ZNF385D: variants seen among roughly 807,000 people sequenced by gnomAD.
ZNF385D encodes the protein zinc finger protein 659.
A neutral mutation model predicts 35.8 loss-of-function variants in ZNF385D; 15 were observed. The ratio of observed to expected loss-of-function variants is 0.42; its 90% CI spans 0.28 to 0.64. The LOEUF is 0.64. Among genes scored for constraint, ZNF385D ranks in the 30% least tolerant of loss-of-function variants. The pLI is 0.23. For missense variants in ZNF385D, 474 were observed against 494.6 expected, an observed-to-expected ratio of 0.96 and a Z score of 0.39; for synonymous variants, 212 against 186.8, an observed-to-expected ratio of 1.13 and a Z score of -1.10.
chr3:22,289,639 G>C (rs1702197095), intron 2 of ZNF385D, among the ~76,000 whole-genome samples: 1 of 152,126 alleles, frequency 6.6e-6, no homozygotes, highest in Non-Finnish European at 1.5e-5. Flanking sequence ...GGGAATGCCG[G>C]TGTGCTTATT....
chr3:21,697,362 T>A (rs563439314), intron 1 of ZNF385D, among the ~76,000 whole-genome samples: 1 of 152,174 alleles, frequency 6.6e-6, no homozygotes, highest in Non-Finnish European at 1.5e-5. Context: ...TAGTGGTAAG[T>A]TGAATTCTGT....
chr3:21,658,591 ATATC>A (rs1006312393), intron 2 of ZNF385D, among the ~76,000 whole-genome samples: 16 of 134,814 alleles, frequency 1.2e-4, no homozygotes, highest in Admixed American at 1.2e-3. Context: ...ATCTACCTAT[ATATC>A]TATCTATTCC....
At chr3:22,345,870 G>A (rs1272652248) in intron 2 of ZNF385D, among the ~76,000 whole-genome samples, 1 of 152,184 alleles carries the variant, frequency 6.6e-6, no homozygotes, top group African/African-American at 2.4e-5. Flanking sequence ...TATAAAGTCT[G>A]CACTCTTGCC....
chr3:21,937,561 TCTCA>T (rs1174024767), intron 3 of ZNF385D, among the ~76,000 whole-genome samples: 2 of 152,162 alleles, frequency 1.3e-5, no homozygotes, highest in African/African-American at 4.8e-5. Flanking sequence ...ATACTGAACT[TCTCA>T]CTATTGTTTG....
At chr3:22,032,908 A>G (rs1204488117) in intron 3 of ZNF385D, among the ~76,000 whole-genome samples, 2 of 152,134 alleles carry the variant, frequency 1.3e-5, no homozygotes, top group Non-Finnish European at 2.9e-5. Context: ...AGGCACAGAG[A>G]GGTAAAGTAA....
At chr3:22,013,728 G>A (rs1046071352) in intron 3 of ZNF385D, among the ~76,000 whole-genome samples, 1 of 152,216 alleles carries the variant, frequency 6.6e-6, no homozygotes, top group East Asian at 1.9e-4. Flanking sequence ...GACTGACAAA[G>A]CAGGTGAGAG....
In ZNF385D at chr3:21,794,563, C is replaced by A. The variant is rs77092746; in HGVS notation, c.326-129535G>T. Reference sequence around the variant, plus strand: ...AAGGAGATTTGATATGCGGTGGGGGCTTGTTTCCTGGTTCATAGACAATGC... The same window carrying A: ...AAGGAGATTTGATATGCGGTGGGGGATTGTTTCCTGGTTCATAGACAATGC... On this transcript the variant is annotated intron_variant, in intron 3 of 5. Transcript: ENST00000494108. Among the ~76,000 whole-genome samples the A allele has an allele frequency of 9.6e-3, 1,467 of 152,136 alleles. 19 individuals carry two copies. The highest frequency in any genetic ancestry group is 0.033 in the African/African-American group (1,368 of 41,514).
chr3:21,705,944 T>A (rs2067883132), intron 1 of ZNF385D, among the ~76,000 whole-genome samples: 1 of 152,172 alleles, frequency 6.6e-6, no homozygotes, highest in Non-Finnish European at 1.5e-5. Flanking sequence ...TGTGCCCAGA[T>A]GAGCTCAGTC....
At chr3:21,538,523 T>C (rs1290000041) in intron 3 of ZNF385D, among the ~76,000 whole-genome samples, 1 of 152,136 alleles carries the variant, frequency 6.6e-6, no homozygotes, top group Non-Finnish European at 1.5e-5. Flanking sequence ...TTCAGTGGAA[T>C]CTCTGCTTCC....
At chr3:21,428,983 G>A (rs980081820) in intron 5 of ZNF385D, among the ~76,000 whole-genome samples, 2 of 115,572 alleles carry the variant, frequency 1.7e-5, no homozygotes, top group African/African-American at 6.3e-5. Context: ...GTATTTGGGG[G>A]AAAGATACAT....
chr3:22,206,892 G>A (rs933319557), intron 2 of ZNF385D, among the ~76,000 whole-genome samples: 1 of 151,732 alleles, frequency 6.6e-6, no homozygotes, highest in Non-Finnish European at 1.5e-5. Context: ...GCCAAAGTTA[G>A]TAGAACAAAG....
chr3:21,877,633 C>T (rs1698051178), intron 3 of ZNF385D, among the ~76,000 whole-genome samples: 1 of 152,032 alleles, frequency 6.6e-6, no homozygotes, highest in South Asian at 2.1e-4. Context: ...GGATTATAAA[C>T]TATTTTTAGT....
chr3:21,768,352 T>C (rs2878425), intron 3 of ZNF385D, among the ~76,000 whole-genome samples: 84,876 of 151,718 alleles, frequency 0.56, 24,335 homozygotes, highest in East Asian at 0.78. Context: ...AATAAATTTG[T>C]TACTGAGGAT....
intron 1 of ZNF385D, among the ~76,000 whole-genome samples, chr3:21,716,864 C>A (rs1285053218): frequency 6.6e-6 from 1 of 152,076 alleles, no homozygotes; most frequent in Non-Finnish European, 1.5e-5. Flanking sequence ...TGGCTCATAC[C>A]TGTAATCCCA....
intron 1 of ZNF385D, among the ~76,000 whole-genome samples, chr3:21,748,707 G>A (rs1349475269): frequency 2.0e-5 from 3 of 152,152 alleles, no homozygotes; most frequent in African/African-American, 7.2e-5. Context: ...AATTTGCAAA[G>A]TGAAAGCATT....
intron 1 of ZNF385D, among the ~76,000 whole-genome samples, chr3:21,683,552 G>T (rs1175660510): frequency 1.3e-5 from 2 of 149,530 alleles, no homozygotes; most frequent in African/African-American, 4.9e-5. Flanking sequence ...GGGAGGCGAA[G>T]GTTGCAGTGA....
At chr3:21,817,790 G>C (rs997561984) in intron 3 of ZNF385D, among the ~76,000 whole-genome samples, 3 of 152,250 alleles carry the variant, frequency 2.0e-5, no homozygotes, top group African/African-American at 7.2e-5. Flanking sequence ...TCTAGAACTA[G>C]AAATACCATT....
chr3:22,357,921 T>C (rs192546505), intron 2 of ZNF385D, among the ~76,000 whole-genome samples: 165 of 152,034 alleles, frequency 1.1e-3, no homozygotes, highest in Admixed American at 4.4e-3. Context: ...ACAAGAAATA[T>C]TAGGAAACAG....
intron 3 of ZNF385D, among the ~76,000 whole-genome samples, chr3:21,767,667 G>A (rs1017673166): frequency 6.6e-6 from 1 of 151,940 alleles, no homozygotes; most frequent in East Asian, 1.9e-4. Flanking sequence ...TGAATGGGAA[G>A]AGAGTTAAGG....
Sources: gnomAD v4.1 joint callset for allele counts (sites outside exome capture counted in the v4.1 genomes callset) on GRCh38, gnomAD v4.1.1 for gene constraint, MANE v1.5 for transcripts, NCBI Gene and HGNC (gene_info 2026-07-23, HGNC 2026-07-21) for gene names.